The following SHISA6 variants were observed in gnomAD, a reference collection of about 807,000 sequenced individuals.
SHISA6 encodes the protein protein shisa-6.
A neutral mutation model predicts 47.9 loss-of-function variants in SHISA6; 22 were observed. That is an observed-to-expected ratio of 0.46 (90% CI 0.33 to 0.66). The LOEUF (loss-of-function observed/expected upper bound fraction) is 0.66, where lower values mean the gene tolerates loss of function less well. Among genes scored for constraint, SHISA6 ranks in the 30% least tolerant of loss-of-function variants. The probability of loss-of-function intolerance (pLI) is 0.02; values close to 1 mark genes in which losing one functional copy is unlikely to be tolerated. For synonymous variants in SHISA6, 388 were observed against 337.8 expected (o/e 1.15, Z -1.63); for missense variants, 680 against 764.6 (o/e 0.89, Z 1.30).
At chr17:11,321,104 A>G (rs1910705049) in intron 2 of SHISA6, among the ~76,000 whole-genome samples, 1 of 152,222 alleles carries the variant, frequency 6.6e-6, no homozygotes, top group Non-Finnish European at 1.5e-5. Context: ...CAGCTCAGTG[A>G]TATACTAGCC....
rs146858897 is a variant in SHISA6, at chr17:11,268,380, C to T, written c.799+4854C>T. 1.6e-4 allele frequency among the ~76,000 whole-genome samples: 24 copies of T among 152,254 alleles called. 1 individual carries two copies. Among genetic ancestry groups the T allele is most frequent in the East Asian group, 1.4e-3 (7 of 5,154 alleles). ...GCATGCCCTGGTTCCCATCCCCCCA[C>T]GCCTCTCTGACCTCAACCCCTACTA... On this transcript the variant is annotated intron_variant, in intron 2 of 5. Transcript: ENST00000441885.
At chr17:11,314,191 A>T (rs1378492017) in intron 2 of SHISA6, among the ~76,000 whole-genome samples, 1 of 152,138 alleles carries the variant, frequency 6.6e-6, no homozygotes, top group African/African-American at 2.4e-5. Context: ...TTAAGTTGCA[A>T]ATATTTTTCC....
intron 3 of SHISA6, among the ~76,000 whole-genome samples, chr17:11,501,199 G>A (rs1435506421): frequency 4.0e-5 from 6 of 150,812 alleles, no homozygotes; most frequent in Non-Finnish European, 5.9e-5. Context: ...TGCAACCTCC[G>A]CCTCCCAGGT....
chr17:11,329,860 C>T (rs968975101), intron 2 of SHISA6, among the ~76,000 whole-genome samples: 10 of 152,018 alleles, frequency 6.6e-5, no homozygotes, highest in African/African-American at 2.2e-4. Flanking sequence ...TGTTCAAGCG[C>T]ACCTGGATCA....
At chr17:11,486,417 A>G (rs1916351307) in intron 3 of SHISA6, among the ~76,000 whole-genome samples, 1 of 152,216 alleles carries the variant, frequency 6.6e-6, no homozygotes, top group Non-Finnish European at 1.5e-5. Context: ...ATGCTAGCAC[A>G]AGGCTTGGCA....
chr17:11,417,742 C>A (rs969345176), intron 3 of SHISA6, among the ~76,000 whole-genome samples: 2 of 152,214 alleles, frequency 1.3e-5, no homozygotes, highest in African/African-American at 4.8e-5. Context: ...GGAATTGGAG[C>A]TAGCATTGGA....
intron 3 of SHISA6, among the ~76,000 whole-genome samples, chr17:11,388,986 C>A (rs1250962337): frequency 1.3e-5 from 2 of 152,000 alleles, no homozygotes; most frequent in African/African-American, 4.8e-5. Context: ...ACCCACCACC[C>A]TCCAGAAAGC....
intron 2 of SHISA6, among the ~76,000 whole-genome samples, chr17:11,320,672 AGAG>A (rs1910687766): frequency 9.9e-5 from 3 of 30,364 alleles, no homozygotes; most frequent in Admixed American, 5.8e-4. Context: ...AAAAAAAAAG[AGAG>A]AGAGAGAGAG....
At chr17:11,540,307 A>G (rs1055861930) in intron 3 of SHISA6, among the ~76,000 whole-genome samples, 1 of 152,188 alleles carries the variant, frequency 6.6e-6, no homozygotes, top group African/African-American at 2.4e-5. Flanking sequence ...GGTTTGATAA[A>G]TGGGGAATCC....
intron 2 of SHISA6, among the ~76,000 whole-genome samples, chr17:11,266,949 T>C (rs1471242511): frequency 6.6e-6 from 1 of 152,176 alleles, no homozygotes; most frequent in Non-Finnish European, 1.5e-5. Flanking sequence ...AGTCCTGCAG[T>C]AATAATGAAA....
chr17:11,456,653 C>T (rs1220407033), intron 3 of SHISA6, among the ~76,000 whole-genome samples: 3 of 152,306 alleles, frequency 2.0e-5, no homozygotes, highest in Admixed American at 1.3e-4. Context: ...CTTGAGGCCA[C>T]GCTGTCGGAG....
At chr17:11,526,479 C>T (rs1200275797) in intron 3 of SHISA6, among the ~76,000 whole-genome samples, 2 of 152,168 alleles carry the variant, frequency 1.3e-5, no homozygotes, top group Admixed American at 6.5e-5. Context: ...CAGAGCATCG[C>T]ACTTGTACTC....
At chr17:11,546,962 T>A (rs2071888824) in intron 3 of SHISA6, among the ~76,000 whole-genome samples, 1 of 151,022 alleles carries the variant, frequency 6.6e-6, no homozygotes. Flanking sequence ...ACAGAAAGGG[T>A]TATTTAATGT....
At chr17:11,370,276 A>T (rs1396631351) in intron 2 of SHISA6, among the ~76,000 whole-genome samples, 1 of 152,164 alleles carries the variant, frequency 6.6e-6, no homozygotes, top group Non-Finnish European at 1.5e-5. Flanking sequence ...ATAATATCTT[A>T]CCTGAAAGCC....
chr17:11,374,302 T>G (rs1023268327), intron 2 of SHISA6, among the ~76,000 whole-genome samples: 5 of 152,326 alleles, frequency 3.3e-5, no homozygotes, highest in African/African-American at 1.2e-4. Flanking sequence ...ATATACATTT[T>G]TAGTCTTTGA....
intron 1 of SHISA6, among the ~76,000 whole-genome samples, chr17:11,257,217 G>A (rs774119678): frequency 7.9e-5 from 12 of 152,080 alleles, no homozygotes; most frequent in African/African-American, 1.4e-4. Flanking sequence ...AAATTAAGCC[G>A]TTCTCCTTGG....
intron 2 of SHISA6, among the ~76,000 whole-genome samples, chr17:11,271,540 C>T (rs891015642): frequency 2.7e-5 from 4 of 150,334 alleles, no homozygotes; most frequent in Admixed American, 6.6e-5. Context: ...CAGGTTCAAG[C>T]GGTTCTCCTG....
chr17:11,337,498 A>G (rs1274567333), intron 2 of SHISA6, among the ~76,000 whole-genome samples: 1 of 152,228 alleles, frequency 6.6e-6, no homozygotes, highest in African/African-American at 2.4e-5. Context: ...CAACTTACAC[A>G]GATAGCGGTG....
intron 3 of SHISA6, among the ~76,000 whole-genome samples, chr17:11,523,874 C>T (rs948144093): frequency 4.6e-5 from 7 of 151,906 alleles, no homozygotes; most frequent in African/African-American, 7.3e-5. Flanking sequence ...GGCATGGTGG[C>T]GCGTGCCTGT....
Sources: gnomAD v4.1 joint callset for allele counts (sites outside exome capture counted in the v4.1 genomes callset) on GRCh38, gnomAD v4.1.1 for gene constraint, MANE v1.5 for transcripts, NCBI Gene and HGNC (gene_info 2026-07-23, HGNC 2026-07-21) for gene names.